The following CDC14B variants were observed in gnomAD, a reference collection of about 807,000 sequenced individuals.
CDC14B encodes dual specificity protein phosphatase CDC14B.
In CDC14B, 22 loss-of-function variants were observed where a neutral mutation model predicts 64.2. The observed-to-expected ratio is 0.34, with a 90% CI of 0.24 to 0.49. CDC14B has a LOEUF of 0.49. Ranked by LOEUF, CDC14B falls within the 20% of genes least tolerant of loss-of-function variation. The probability of loss-of-function intolerance (pLI) is 0.99; values close to 1 mark genes in which losing one functional copy is unlikely to be tolerated. For synonymous variants in CDC14B, 191 were observed against 215.8 expected (o/e 0.89, Z 1.01); for missense variants, 498 against 629.9 (o/e 0.79, Z 2.24).
At chr9:96,508,808 A>G (rs956260874) in intron 13 of CDC14B, among the ~76,000 whole-genome samples, 2 of 152,236 alleles carry the variant, frequency 1.3e-5, no homozygotes, top group African/African-American at 4.8e-5. Context: ...CACACTGATA[A>G]GGCCCCTAGG....
At chr9:96,492,131 GCAC>G (rs1380964488) in exon 14 of CDC14B, 1 of 152,302 alleles carries the variant, frequency 6.6e-6, no homozygotes, top group East Asian at 1.9e-4. Flanking sequence ...GGCACCCTGG[GCAC>G]CACGTTTCTG....
chr9:96,610,673 TGTTATA>T (rs1169650039), intron 1 of CDC14B, among the ~76,000 whole-genome samples: 3 of 149,236 alleles, frequency 2.0e-5, no homozygotes, highest in East Asian at 1.9e-4. Flanking sequence ...CAGGAGTAGC[TGTTATA>T]GTTATAACAA....
At chr9:96,590,608 G>C (rs971408820) in intron 1 of CDC14B, among the ~76,000 whole-genome samples, 2 of 151,004 alleles carry the variant, frequency 1.3e-5, no homozygotes, top group African/African-American at 4.9e-5. Flanking sequence ...AAGTGTACAA[G>C]ACTTCCAATT....
chr9:96,554,423 T>C (rs1042314634), intron 4 of CDC14B, among the ~76,000 whole-genome samples: 1 of 152,186 alleles, frequency 6.6e-6, no homozygotes, highest in Non-Finnish European at 1.5e-5. Context: ...ATTAGTAAAA[T>C]TGCAATGGTA....
At chr9:96,506,603 T>G (rs924091717) in intron 13 of CDC14B, among the ~76,000 whole-genome samples, 1 of 152,240 alleles carries the variant, frequency 6.6e-6, no homozygotes, top group Non-Finnish European at 1.5e-5. Context: ...AAAGTCCATT[T>G]TGGAATTTAA....
Position 96,534,493 on chromosome 9 carries a change from G to A in CDC14B, c.677C>T (p.Ala226Val). 6.2e-7 allele frequency: 1 copy of A among 1,613,088 alleles called. No homozygotes were observed. The highest frequency in any genetic ancestry group is 8.5e-7 in the Non-Finnish European group (1 of 1,179,148). The change falls in exon 8 of 14, where the codon GCC (alanine) becomes GTC (valine). Residue 226 changes from alanine to valine, a missense_variant. Transcript: ENST00000375241. ...LNWIIPDRFI[A>V]FCGPHSRARL... ...GGCTCTTGAATGAGGTCCACAGAAG[G>A]CAATAAATCGGTCTGGTATTATCCA...
At chr9:96,534,263 A>T in intron 8 of CDC14B, 106 bp from the exon 9 acceptor site, 1 of 802,090 alleles carries the variant, frequency 1.2e-6, no homozygotes, top group African/African-American at 1.7e-5. Context: ...GGAATTAAAT[A>T]CCAATTTGAT....
chr9:96,598,794 T>A (rs1016820893), intron 1 of CDC14B, among the ~76,000 whole-genome samples: 20 of 152,210 alleles, frequency 1.3e-4, no homozygotes, highest in African/African-American at 3.9e-4. Context: ...TGAAATGACA[T>A]ATATGTCCCA....
chr9:96,561,623 C>G (rs538795555), intron 4 of CDC14B, among the ~76,000 whole-genome samples: 420 of 151,956 alleles, frequency 2.8e-3, no homozygotes, highest in Non-Finnish European at 5.2e-3. Flanking sequence ...GGACTACAGG[C>G]GCCCGCCACC....
At chr9:96,560,758 A>G (rs1281421081) in intron 4 of CDC14B, among the ~76,000 whole-genome samples, 1 of 131,722 alleles carries the variant, frequency 7.6e-6, no homozygotes, top group African/African-American at 3.5e-5. Context: ...AACTACTCAA[A>G]CTTTTTTTTT....
chr9:96,615,217 G>A (rs190786932), intron 1 of CDC14B, among the ~76,000 whole-genome samples: 74 of 152,240 alleles, frequency 4.9e-4, no homozygotes, highest in Non-Finnish European at 9.1e-4. Flanking sequence ...AAAAAAATCC[G>A]TGTCATTGCA....
intron 12 of CDC14B, among the ~76,000 whole-genome samples, chr9:96,513,864 C>T (rs1045230499): frequency 1.3e-5 from 2 of 152,178 alleles, no homozygotes; most frequent in Non-Finnish European, 2.9e-5. Flanking sequence ...ATAACAGGAG[C>T]TTTTCACTGG....
rs2131224358 is a variant in CDC14B at position 96,501,790 on chromosome 9, C to A, written c.*1963G>T. ...ACCCTTTCTTTTCTTGGACGAAACA[C>A]CAGGAGGCTCATTCACCGTGAGGGA... On this transcript the variant is annotated 3_prime_UTR_variant, in exon 14 of 14. Transcript: ENST00000375241. The A allele has an allele frequency of 6.6e-6, 1 of 152,216 alleles. No homozygotes were observed. Among genetic ancestry groups the A allele is most frequent in the East Asian group, 1.9e-4 (1 of 5,178 alleles). The allele number at this position is 152,216 out of a possible 1,614,324, so 9.4% of individuals were successfully genotyped here.
chr9:96,529,378 T>G (rs1157579860), intron 9 of CDC14B, among the ~76,000 whole-genome samples: 1 of 152,220 alleles, frequency 6.6e-6, no homozygotes, highest in African/African-American at 2.4e-5. Flanking sequence ...TGAATGTCAT[T>G]TGACCATATA....
At chr9:96,537,366 G>A (rs1041482161) in intron 7 of CDC14B, among the ~76,000 whole-genome samples, 4 of 152,120 alleles carry the variant, frequency 2.6e-5, no homozygotes, top group Non-Finnish European at 5.9e-5. Context: ...TGGTTTGATG[G>A]GGCTGACCCT....
At chr9:96,606,529 G>C (rs1362552379) in intron 1 of CDC14B, among the ~76,000 whole-genome samples, 1 of 53,074 alleles carries the variant, frequency 1.9e-5, no homozygotes, top group African/African-American at 1.5e-4. Context: ...CTAAAAGTTT[G>C]TGTGTGTGTG....
rs760287337 is a variant in CDC14B at position 96,534,159 on chromosome 9, T to G, written c.716-2A>C. The G allele has an allele frequency of 6.5e-7, 1 of 1,545,100 alleles. No homozygotes were observed. Among genetic ancestry groups the G allele is most frequent in the Admixed American group, 1.8e-5 (1 of 57,052 alleles). On this transcript the variant is annotated splice_acceptor_variant, in intron 8 of 13. Coordinates refer to ENST00000375241, the MANE Select transcript of CDC14B (RefSeq NM_033331.4). LOFTEE classifies it high-confidence loss of function. ...TCTCAGGAGAATGTTGGTGGTAACCTACATAAAGAAATGCACCAGATCTTA... is the reference window on the plus strand; with the variant it reads ...TCTCAGGAGAATGTTGGTGGTAACCGACATAAAGAAATGCACCAGATCTTA...
At chr9:96,598,477 C>T (rs1160628375) in intron 1 of CDC14B, among the ~76,000 whole-genome samples, 1 of 152,078 alleles carries the variant, frequency 6.6e-6, no homozygotes, top group Admixed American at 6.5e-5. Context: ...GCTGGGATTA[C>T]AGGCGCCTGC....
chr9:96,545,360 C>T (rs1428412118), intron 5 of CDC14B, among the ~76,000 whole-genome samples: 1 of 149,942 alleles, frequency 6.7e-6, no homozygotes, highest in East Asian at 1.9e-4. Context: ...CAGTCTCCCC[C>T]TGGAGTGAGT....
Sources: allele counts gnomAD v4.1 joint callset (sites outside exome capture counted in the v4.1 genomes callset), GRCh38; gene constraint gnomAD v4.1.1; transcripts MANE v1.5; gene names NCBI Gene and HGNC (gene_info 2026-07-23, HGNC 2026-07-21).